FBXO27: variants seen among roughly 807,000 people sequenced by gnomAD.
The protein encoded by FBXO27 is F-box only protein 27.
A neutral mutation model predicts 28.3 loss-of-function variants in FBXO27; 28 were observed. The ratio of observed to expected loss-of-function variants is 0.99; its 90% CI spans 0.73 to 1.36. The LOEUF (loss-of-function observed/expected upper bound fraction) is 1.36, where lower values mean the gene tolerates loss of function less well. FBXO27 is among the 40% of genes most tolerant of loss of function. The pLI, the probability that FBXO27 is intolerant of heterozygous loss-of-function variation, is 0.00. For synonymous variants in FBXO27, 175 were observed against 167.3 expected (o/e 1.05, Z -0.36); for missense variants, 388 against 394.1 (o/e 0.98, Z 0.13).
At chr19:39,028,168 T>C (rs770783869) in intron 4 of FBXO27, among the ~76,000 whole-genome samples, 8 of 151,714 alleles carry the variant, frequency 5.3e-5, no homozygotes, top group Admixed American at 1.3e-4. Context: ...GAGGCAGAGG[T>C]TGCAGTGAGC....
chr19:39,019,220 G>A (rs960784985), downstream of FBXO27, among the ~76,000 whole-genome samples: 5 of 151,346 alleles, frequency 3.3e-5, no homozygotes, highest in Non-Finnish European at 7.4e-5. Flanking sequence ...TCAGGAGATC[G>A]AGACCATCCT....
intron 2 of FBXO27, among the ~76,000 whole-genome samples, chr19:39,013,739 C>T (rs761905141): frequency 6.6e-6 from 1 of 151,848 alleles, no homozygotes; most frequent in Non-Finnish European, 1.5e-5. Context: ...CTTGGCCTGG[C>T]GTGGTGGCTC....
chr19:39,032,378 C>T lies in FBXO27; in HGVS notation c.-27+125G>A. ...ATCCCTGGGCCCCGTCCCCAAGTCC[C>T]CATCCCCCAGCCCGTCCTTGATAGC... On this transcript the variant is annotated intron_variant, in intron 1 of 5. Transcript: ENST00000292853. This position sits in a 1 kb window ranked among gnomAD's most constrained non-coding sequence, Gnocchi z 4.7. 1 of 1,163,246 alleles carries T rather than the reference C, an allele frequency of 8.6e-7. No individual in the cohort carries two copies. The highest frequency in any genetic ancestry group is 1.1e-6 in the Non-Finnish European group (1 of 885,740). 72.1% of individuals were successfully genotyped at this position (1,163,246 alleles called of 1,614,324 possible).
intron 4 of FBXO27, among the ~76,000 whole-genome samples, chr19:39,029,934 C>T (rs559677137): frequency 2.0e-5 from 3 of 152,208 alleles, no homozygotes; most frequent in East Asian, 3.9e-4. Flanking sequence ...CTCCACTTCC[C>T]GGGTTCAAGT....
intron 4 of FBXO27, among the ~76,000 whole-genome samples, chr19:39,029,042 TA>T (rs1249127334): frequency 0.1 from 9,292 of 91,934 alleles, 414 homozygotes; most frequent in Non-Finnish European, 0.14. Flanking sequence ...ACTCTGTCTC[TA>T]AAAAAAAAAA....
intron 5 of FBXO27, among the ~76,000 whole-genome samples, chr19:39,026,031 G>A (rs2072871418): frequency 6.6e-6 from 1 of 151,732 alleles, no homozygotes; most frequent in Admixed American, 6.6e-5. Flanking sequence ...AAAAAAAGAA[G>A]TAGAATCTAA....
At chr19:39,020,741 G>C, downstream of FBXO27, among the ~76,000 whole-genome samples, 1 of 123,178 alleles carries the variant, frequency 8.1e-6, no homozygotes, top group East Asian at 2.3e-4. Flanking sequence ...TCATTAAAGA[G>C]ATTGTGGATA....
intron 4 of FBXO27, among the ~76,000 whole-genome samples, chr19:39,029,920 C>G (rs1347611457): frequency 6.6e-6 from 1 of 152,144 alleles, no homozygotes; most frequent in African/African-American, 2.4e-5. Flanking sequence ...CAGCTCACTG[C>G]AACCTCCACT....
In FBXO27 at chr19:39,025,210, A is replaced by C; in HGVS notation, c.*201T>G. 1 of 623,698 alleles carries C rather than the reference A, an allele frequency of 1.6e-6. No homozygotes were observed. The highest frequency in any genetic ancestry group is 2.6e-6 in the Non-Finnish European group (1 of 380,350). The allele number at this position is 623,698 out of a possible 1,614,324, so 38.6% of individuals were successfully genotyped here. ...CCCCCCGCAAAGCAGCAGCTGCAGT[A>C]GGTAGATAAGATGGAAGAAGCTTCT... On this transcript the variant is annotated 3_prime_UTR_variant, in exon 6 of 6. Coordinates refer to ENST00000292853, the MANE Select transcript of FBXO27 (RefSeq NM_178820.5).
At position 39,032,141 on chromosome 19, in the gene FBXO27, T is replaced by A; in HGVS notation, c.87A>T (p.Leu29=). The A allele has an allele frequency of 6.5e-7, 1 of 1,542,308 alleles. No individual in the cohort carries two copies. Among genetic ancestry groups the A allele is most frequent in the Non-Finnish European group, 8.7e-7 (1 of 1,150,604 alleles). The change falls in exon 2 of 6, where the codon CTA becomes CTT. Residue 29 remains leucine, a synonymous_variant. Transcript: ENST00000292853. This position sits in a 1 kb window ranked among gnomAD's most constrained non-coding sequence, Gnocchi z 4.7. ...GCACCACCAGAAGCAGCTCTGGGGGTAGTTGGCTCAGGTCCAGCGCCTCTT... is the reference window on the plus strand; with the variant it reads ...GCACCACCAGAAGCAGCTCTGGGGGAAGTTGGCTCAGGTCCAGCGCCTCTT... ...EPEEALDLSQ[L]PPELLLVVLS...
At chr19:39,012,639 T>TC (rs2072801281) in intron 2 of FBXO27, among the ~76,000 whole-genome samples, 1 of 152,142 alleles carries the variant, frequency 6.6e-6, no homozygotes, top group African/African-American at 2.4e-5. Context: ...TTTCTTCTTT[T>TC]TTTTTGTTTG....
intron 2 of FBXO27, among the ~76,000 whole-genome samples, chr19:39,031,576 C>G (rs1425576981): frequency 6.6e-6 from 1 of 152,040 alleles, no homozygotes; most frequent in African/African-American, 2.4e-5. Context: ...CACTCCCACC[C>G]CTCCCACAGG....
chr19:39,008,137 C>T (rs934316159), intron 2 of FBXO27, among the ~76,000 whole-genome samples: 12 of 151,936 alleles, frequency 7.9e-5, no homozygotes, highest in African/African-American at 1.9e-4. Context: ...TGGTGGTGCA[C>T]GCCTATAGTC....
At chr19:39,011,456 C>T (rs4511651) in intron 2 of FBXO27, among the ~76,000 whole-genome samples, 29,237 of 152,062 alleles carry the variant, frequency 0.19, 3,430 homozygotes, top group South Asian at 0.38. Flanking sequence ...TTTTGATAGG[C>T]ATTGCAACTG....
chr19:39,031,944 T>C lies in FBXO27; in HGVS notation c.284A>G (p.Asn95Ser). The change falls in exon 2 of 6, where the codon AAC (asparagine) becomes AGC (serine). Residue 95 changes from asparagine to serine, a missense_variant. Asn to Ser is a conservative substitution (Grantham distance 46, BLOSUM62 1). Coordinates refer to ENST00000292853, the MANE Select transcript of FBXO27 (RefSeq NM_178820.5). ...LARSCQSPAR[N>S]ARPCPLGRFC... ...GCGGCCCAGGGGGCAAGGCCTGGCG[T>C]TACGGGCGGGAGACTGGCAGCTGCG... The C allele has an allele frequency of 6.6e-7, 1 of 1,515,782 alleles. No individual in the cohort carries two copies. Among genetic ancestry groups the C allele is most frequent in the Non-Finnish European group, 8.7e-7 (1 of 1,143,978 alleles). The allele number at this position is 1,515,782 out of a possible 1,614,324, so 93.9% of individuals were successfully genotyped here.
chr19:39,021,190 G>T (rs1014077430), downstream of FBXO27, among the ~76,000 whole-genome samples: 2 of 152,136 alleles, frequency 1.3e-5, no homozygotes, highest in African/African-American at 4.8e-5. Context: ...TCACAACATG[G>T]ACCCCTCTGT....
rs190044080 is a variant in FBXO27 at position 39,028,735 on chromosome 19, C to T, written c.573-1730G>A. On this transcript the variant is annotated intron_variant, in intron 4 of 5. Transcript: ENST00000292853. ...AAAATTAGCCAGGCGTGGTGGTACA[C>T]ACCTGCAATCCGAGCTACTGGGGAG... 2.6e-5 allele frequency among the ~76,000 whole-genome samples: 4 copies of T among 152,186 alleles called. No homozygotes were observed. In the East Asian group the frequency reaches 7.8e-4, roughly 30 times the overall value.
intron 1 of FBXO27, among the ~76,000 whole-genome samples, chr19:39,016,928 C>T (rs1436846964): frequency 7.9e-6 from 1 of 126,954 alleles, no homozygotes; most frequent in East Asian, 2.2e-4. Context: ...TTTTTTAAAA[C>T]TCTAAAAGTA....
At chr19:39,030,526 TC>T (rs2072896082) in intron 4 of FBXO27, 1 of 161,032 alleles carries the variant, frequency 6.2e-6, no homozygotes, top group African/African-American at 2.4e-5. Context: ...CCAATCCACA[TC>T]CTTTTGGGCA....
Sources: gnomAD v4.1 joint callset for allele counts (sites outside exome capture counted in the v4.1 genomes callset) on GRCh38, gnomAD v4.1.1 for gene constraint, Gnocchi (gnomAD v3.1) non-coding constraint, MANE v1.5 for transcripts, NCBI Gene and HGNC (gene_info 2026-07-23, HGNC 2026-07-21) for gene names.